The following DBF4 variants were observed in gnomAD, a reference collection of about 807,000 sequenced individuals.
DBF4 encodes protein DBF4 homolog A.
A neutral mutation model predicts 76.6 loss-of-function variants in DBF4; 25 were observed. The observed-to-expected ratio is 0.33, with a 90% CI of 0.24 to 0.46. DBF4 has a LOEUF of 0.46. Among genes scored for constraint, DBF4 ranks in the 20% least tolerant of loss-of-function variants. DBF4 has a pLI of 1.00. For synonymous variants in DBF4, 213 were observed against 258.0 expected (o/e 0.83, Z 1.67); for missense variants, 638 against 760.8 (o/e 0.84, Z 1.90).
intron 11 of DBF4, 77 bp downstream of exon 11, chr7:87,904,493 A>C (rs1839867965): frequency 6.7e-7 from 1 of 1,488,968 alleles, no homozygotes; most frequent in South Asian, 1.2e-5. Flanking sequence ...TAATCCCAGC[A>C]CTTTGGGAGG....
chr7:87,907,219 G>A lies in DBF4; in HGVS notation c.1081G>A (p.Val361Ile). The change falls in exon 12 of 12, where the codon GTT becomes ATT. Residue 361 changes from valine (V) to isoleucine (I), a missense_variant. Transcript: ENST00000265728. ...IKYSVGSLSP[V>I]SASVLKKTEQ... is the part of the protein sequence containing the mutation. ...ATACAGTGTTGGATCCCTTTCTCCT[G>A]TTTCTGCAAGTGTCCTGAAAAAGAC... The A allele has an allele frequency of 6.2e-7, 1 of 1,607,020 alleles. No individual in the cohort carries two copies. The highest frequency in any genetic ancestry group is 8.5e-7 in the Non-Finnish European group (1 of 1,178,286).
intron 5 of DBF4, 97 bp from the exon 6 acceptor site, chr7:87,887,886 T>C (rs1298711455): frequency 1.7e-6 from 2 of 1,171,792 alleles, no homozygotes; most frequent in African/African-American, 1.6e-5. Flanking sequence ...ATACCTATAA[T>C]GGTAAATTCT....
Position 87,891,286 on chromosome 7 carries a change from A to C in DBF4, c.597+3227A>C, listed in dbSNP as rs557613547. On this transcript the variant is annotated intron_variant, in intron 6 of 11. Transcript: ENST00000265728. ...GATGTCTTTGTCTGGTTTTAGTGGA[A>C]TGTTTAATCCTATTTTCAGAACACA... is the stretch of plus-strand genomic sequence containing the variant. Among the ~76,000 whole-genome samples, 235 of 151,466 alleles carry C rather than the reference A, an allele frequency of 1.6e-3. 2 individuals carry two copies. The highest frequency in any genetic ancestry group is 5.3e-3 in the African/African-American group (217 of 41,306).
At position 87,900,767 on chromosome 7, in the gene DBF4, C is replaced by G; in HGVS notation, c.813C>G (p.Ile271Met). 6.2e-7 allele frequency: 1 copy of G among 1,610,518 alleles called. No homozygotes were observed. The highest frequency in any genetic ancestry group is 8.5e-7 in the Non-Finnish European group (1 of 1,178,320). The part of the protein sequence containing the change: ...MQKQTQVKLR[I>M]QTDGDKYGGT... ...TACCATGTATGTCTGTCATCAGAAT[C>G]CAAACAGATGGCGATAAGTATGGTG... is the stretch of plus-strand genomic sequence containing the variant. The change falls in exon 10 of 12, where the codon ATC becomes ATG. Residue 271 changes from isoleucine (I) to methionine (M), a missense_variant. By Grantham distance (10) the Ile-to-Met change is conservative. Coordinates refer to ENST00000265728, the MANE Select transcript of DBF4 (RefSeq NM_006716.4).
At chr7:87,884,680 TC>T (rs1288375376) in intron 2 of DBF4, among the ~76,000 whole-genome samples, 1 of 152,214 alleles carries the variant, frequency 6.6e-6, no homozygotes, top group Non-Finnish European at 1.5e-5. Flanking sequence ...AGATCTAGGT[TC>T]AGAAAAATAC....
At chr7:87,876,883 C>T (rs1250281620) in intron 1 of DBF4, 105 bp downstream of exon 1, 7 of 1,278,068 alleles carry the variant, frequency 5.5e-6, no homozygotes, top group East Asian at 2.5e-5. Flanking sequence ...AGCTTCTTTT[C>T]TTCTGACCGG....
At chr7:87,880,366 T>C (rs112461880) in intron 2 of DBF4, among the ~76,000 whole-genome samples, 4,315 of 152,334 alleles carry the variant, frequency 0.028, 62 homozygotes, top group Middle Eastern at 0.048. Context: ...AGGAGCATAT[T>C]AAGGGTGTAA....
chr7:87,885,333 C>T (rs1839319238), intron 3 of DBF4, 175 bp downstream of exon 3: 1 of 514,956 alleles, frequency 1.9e-6, no homozygotes. Context: ...TGGGTTTTTC[C>T]TAATAGTTCT....
chr7:87,896,579 CAT>C, intron 7 of DBF4, 69 bp downstream of exon 7: 1 of 1,306,202 alleles, frequency 7.7e-7, no homozygotes, highest in South Asian at 1.2e-5. Context: ...CTTCTAAAAT[CAT>C]ATAAACCACC....
rs370271888 is a variant in DBF4, at chr7:87,904,572, T to G, written c.1049+156T>G. Reference sequence around the variant, plus strand: ...CTAGCCAACATGGCAAAACCCCATCTCTACTAAAAAAATAAAAAATTAGCC... The same window carrying G: ...CTAGCCAACATGGCAAAACCCCATCGCTACTAAAAAAATAAAAAATTAGCC... On this transcript the variant is annotated intron_variant, in intron 11 of 11. Coordinates refer to ENST00000265728, the MANE Select transcript of DBF4 (RefSeq NM_006716.4). 3.9e-5 allele frequency among the ~76,000 whole-genome samples: 6 copies of G among 151,914 alleles called. No individual in the cohort carries two copies. In the East Asian group the frequency reaches 1.2e-3, roughly 30 times the overall value.
intron 8 of DBF4, among the ~76,000 whole-genome samples, chr7:87,899,984 A>G (rs1839733567): frequency 6.6e-6 from 1 of 152,184 alleles, no homozygotes; most frequent in African/African-American, 2.4e-5. Context: ...TACTTAATGC[A>G]ACTGAATTGT....
chr7:87,898,465 A>T (rs1029387126), intron 8 of DBF4, among the ~76,000 whole-genome samples: 1 of 152,136 alleles, frequency 6.6e-6, no homozygotes, highest in Non-Finnish European at 1.5e-5. Flanking sequence ...ACGGAATTGT[A>T]ACAGATGCAG....
chr7:87,905,255 G>C (rs1232307373), intron 11 of DBF4, among the ~76,000 whole-genome samples: 1 of 152,170 alleles, frequency 6.6e-6, no homozygotes, highest in South Asian at 2.1e-4. Flanking sequence ...TTGTACAATG[G>C]ATATGACTGT....
At chr7:87,890,594 C>T (rs1463974689) in intron 6 of DBF4, among the ~76,000 whole-genome samples, 1 of 152,016 alleles carries the variant, frequency 6.6e-6, no homozygotes, top group African/African-American at 2.4e-5. Context: ...GTCAGTGATC[C>T]TGAGAAATGT....
In DBF4 at chr7:87,900,217, C is replaced by G. The variant is rs1166378932; in HGVS notation, c.681-4C>G. 1 of 1,584,272 alleles carries G rather than the reference C, an allele frequency of 6.3e-7. No homozygotes were observed. The highest frequency in any genetic ancestry group is 1.7e-5 in the Admixed American group (1 of 57,796). On this transcript the variant is annotated splice_region_variant and splice_polypyrimidine_tract_variant and intron_variant, in intron 8 of 11. Transcript: ENST00000265728. The stretch of plus-strand genomic sequence containing the variant: ...CTCATGTATTTGTCTTTTTATTCTT[C>G]TAGACTTTATAGGCCATTTTATCTT...
intron 1 of DBF4, 98 bp from the exon 2 acceptor site, chr7:87,877,955 G>A (rs954622850): frequency 3.0e-6 from 3 of 1,005,030 alleles, no homozygotes; most frequent in Non-Finnish European, 1.4e-6. Flanking sequence ...AACTGGTAGG[G>A]TTGTAAGGAT....
At chr7:87,887,029 C>A (rs890775757) in intron 4 of DBF4, 135 bp downstream of exon 4, 6 of 653,260 alleles carry the variant, frequency 9.2e-6, no homozygotes, top group Non-Finnish European at 1.5e-5. Flanking sequence ...TTTTATTTTA[C>A]AAAGTAAAGA....
intron 6 of DBF4, 179 bp downstream of exon 6, chr7:87,888,238 A>T: frequency 1.0e-6 from 1 of 964,292 alleles, no homozygotes; most frequent in African/African-American, 1.8e-5. Flanking sequence ...CACCAGGTAA[A>T]AGTTGTTCCT....
chr7:87,896,608 C>A, intron 7 of DBF4, 98 bp downstream of exon 7: 1 of 1,091,770 alleles, frequency 9.2e-7, no homozygotes, highest in Non-Finnish European at 1.3e-6. Flanking sequence ...ATGATTTATT[C>A]AAGGCTTTCT....
Sources: gnomAD v4.1 joint callset for allele counts (sites outside exome capture counted in the v4.1 genomes callset) on GRCh38, gnomAD v4.1.1 for gene constraint, MANE v1.5 for transcripts, NCBI Gene and HGNC (gene_info 2026-07-23, HGNC 2026-07-21) for gene names.